The following FAHD1 variants were observed in gnomAD, a reference collection of about 807,000 sequenced individuals.
FAHD1 encodes oxaloacetate tautomerase FAHD1, mitochondrial.
FAHD1 carries 14 observed loss-of-function variants against 12.7 expected under a neutral mutation model. The observed-to-expected ratio is 1.10, with a 90% CI of 0.73 to 1.72. FAHD1 has a LOEUF of 1.72. FAHD1 is among the 40% of genes most tolerant of loss of function. The pLI, the probability that FAHD1 is intolerant of heterozygous loss-of-function variation, is 0.00. For synonymous variants in FAHD1, 153 were observed against 124.9 expected (o/e 1.22, Z -1.50); for missense variants, 351 against 298.9 (o/e 1.17, Z -1.29).
At chr16:1,834,526 G>A (rs1898687444) in intron 1 of FAHD1, among the ~76,000 whole-genome samples, 1 of 152,246 alleles carries the variant, frequency 6.6e-6, no homozygotes, top group East Asian at 1.9e-4. Context: ...GATGGGAAGA[G>A]TTCCAGTCTC....
At chr16:1,839,456 C>G (rs1196646011) in exon 3 of FAHD1, 1 of 1,593,730 alleles carries the variant, frequency 6.3e-7, no homozygotes, top group Non-Finnish European at 8.5e-7. Flanking sequence ...GAAACAAAGA[C>G]AATGATAAAA....
downstream of FAHD1, among the ~76,000 whole-genome samples, chr16:1,829,539 T>C (rs1369825758): frequency 6.6e-6 from 1 of 152,182 alleles, no homozygotes; most frequent in African/African-American, 2.4e-5. Flanking sequence ...AGTAGATACA[T>C]AAGAAGAATC....
chr16:1,833,712 CCA>C (rs1273092494), downstream of FAHD1, among the ~76,000 whole-genome samples: 6 of 151,922 alleles, frequency 3.9e-5, no homozygotes, highest in African/African-American at 9.7e-5. Context: ...CAGGCACGTG[CCA>C]CCACACCCAG....
downstream of FAHD1, chr16:1,829,022 G>A (rs1898573414): frequency 1.6e-6 from 1 of 630,196 alleles, no homozygotes; most frequent in Middle Eastern, 8.2e-4. Flanking sequence ...GCACTGTGCT[G>A]TGTTAACACA....
rs915599893 is a variant in FAHD1 at position 1,834,897 on chromosome 16, T to G, written c.628-3119T>G. ...TTGCAGTGAGCAGAGATTGTGCCAT[T>G]GCACTCCAGCTTGGGCAACTAGAGC... On this transcript the variant is annotated intron_variant, in intron 1 of 2. Coordinates refer to the FAHD1 transcript ENST00000382666. 7.9e-5 allele frequency among the ~76,000 whole-genome samples: 12 copies of G among 151,740 alleles called. No homozygotes were observed. The East Asian group carries it at 2.3e-3, about 29-fold the overall frequency.
downstream of FAHD1, among the ~76,000 whole-genome samples, chr16:1,830,690 T>C (rs151030091): frequency 1.3e-5 from 2 of 152,318 alleles, no homozygotes; most frequent in Non-Finnish European, 2.9e-5. Flanking sequence ...ATTCCTGATA[T>C]TGCTAAAATC....
At chr16:1,828,929 T>C (rs897507802), downstream of FAHD1, 40 of 999,664 alleles carry the variant, frequency 4.0e-5, no homozygotes, top group Non-Finnish European at 4.3e-5. Flanking sequence ...CAAGGGTAAT[T>C]TTTTTCCCCC....
At chr16:1,828,276 A>AT in exon 1 of FAHD1, 1 of 701,428 alleles carries the variant, frequency 1.4e-6, no homozygotes, top group Non-Finnish European at 1.8e-6. Context: ...CTCCGTCTCA[A>AT]AAAAAAAAAA....
At chr16:1,840,080 A>G (rs1287257673) in exon 3 of FAHD1, 1 of 152,216 alleles carries the variant, frequency 6.6e-6, no homozygotes, top group Non-Finnish European at 1.5e-5. Flanking sequence ...CAGGGAAACT[A>G]ATTCAAATTT....
exon 1 of FAHD1, chr16:1,827,895 A>G: frequency 1.2e-6 from 2 of 1,612,486 alleles, no homozygotes; most frequent in Non-Finnish European, 1.7e-6. Flanking sequence ...TGGAAAAGCC[A>G]GAATATTGAG....
chr16:1,827,452 G>A (rs376770299), exon 1 of FAHD1: 21 of 1,610,780 alleles, frequency 1.3e-5, no homozygotes, highest in Non-Finnish European at 1.7e-5. Flanking sequence ...GCTGGAGCTG[G>A]GCGTGGTGAT....
exon 1 of FAHD1, chr16:1,828,329 G>A (rs79140651): frequency 0.063 from 63,411 of 1,002,734 alleles, 2,200 homozygotes; most frequent in East Asian, 0.11. Flanking sequence ...AGATTGCTAT[G>A]CCTCAACTCA....
chr16:1,833,601 G>A (rs543852096), downstream of FAHD1, among the ~76,000 whole-genome samples: 12 of 131,208 alleles, frequency 9.1e-5, no homozygotes, highest in South Asian at 2.5e-4. Flanking sequence ...TCGCTCTGTC[G>A]CCCAGGCTGG....
chr16:1,830,347 TC>T (rs1898597869), downstream of FAHD1, among the ~76,000 whole-genome samples: 1 of 152,238 alleles, frequency 6.6e-6, no homozygotes, highest in South Asian at 2.1e-4. Flanking sequence ...TGCTGTTTTT[TC>T]CTTTGGCTAG....
intron 2 of FAHD1, chr16:1,839,163 T>C: frequency 7.2e-7 from 1 of 1,398,530 alleles, no homozygotes; most frequent in Non-Finnish European, 9.5e-7. Context: ...AATCAATTTC[T>C]ATCAAATGTT....
exon 1 of FAHD1, chr16:1,827,535 T>G (rs1475123921): frequency 6.2e-7 from 1 of 1,613,100 alleles, no homozygotes; most frequent in East Asian, 2.2e-5. Flanking sequence ...TGTGCCTGGA[T>G]ATGACCGCCC....
In FAHD1 at chr16:1,839,448, AACAAAG is replaced by A. The variant is rs781620229; in HGVS notation, c.*200_*205del. 1.6e-5 allele frequency: 26 copies of A among 1,598,468 alleles called. No homozygotes were observed. The African/African-American group carries it at 3.4e-4, about 21-fold the overall frequency. On this transcript the variant is annotated 3_prime_UTR_variant, in exon 3 of 3. Transcript: ENST00000382666. ...ATAACCACAGCTGGAACTGAAAAGA[AACAAAG>A]ACAATGATAAAATGTGATGCCCTAA...
chr16:1,828,358 A>G (rs578047257), exon 1 of FAHD1: 19 of 1,002,596 alleles, frequency 1.9e-5, no homozygotes, highest in Admixed American at 6.0e-5. Flanking sequence ...GAACCCTTCA[A>G]GAAAACGTGA....
chr16:1,827,836 G>C, exon 1 of FAHD1: 1 of 1,614,078 alleles, frequency 6.2e-7, no homozygotes, highest in Non-Finnish European at 8.5e-7. Context: ...TAAAGAAAAC[G>C]ATGAGATCGA....
Sources: allele counts gnomAD v4.1 joint callset (sites outside exome capture counted in the v4.1 genomes callset), GRCh38; gene constraint gnomAD v4.1.1; transcripts MANE v1.5; gene names NCBI Gene and HGNC (gene_info 2026-07-23, HGNC 2026-07-21).